TBC1D22A: variants seen among roughly 807,000 people sequenced by gnomAD.
TBC1D22A encodes the protein TBC1 domain family member 22A.
TBC1D22A carries 38 observed loss-of-function variants against 60.2 expected under a neutral mutation model. The ratio of observed to expected loss-of-function variants is 0.63; its 90% CI spans 0.49 to 0.83. The LOEUF (loss-of-function observed/expected upper bound fraction) is 0.83. TBC1D22A is among the 40% of genes least tolerant of loss of function. The pLI is 0.00. For missense variants in TBC1D22A, 628 were observed against 701.0 expected, an observed-to-expected ratio of 0.90 and a Z score of 1.18; for synonymous variants, 302 against 281.7, an observed-to-expected ratio of 1.07 and a Z score of -0.72.
chr22:47,125,935 T>C (rs2147101457), intron 12 of TBC1D22A, among the ~76,000 whole-genome samples: 1 of 152,328 alleles, frequency 6.6e-6, no homozygotes, highest in East Asian at 1.9e-4. Flanking sequence ...CAGTGCCCAC[T>C]CAGAGCACGT....
intron 1 of TBC1D22A, among the ~76,000 whole-genome samples, chr22:46,764,852 C>T (rs887526057): frequency 6.6e-6 from 1 of 152,172 alleles, no homozygotes; most frequent in South Asian, 2.1e-4. Flanking sequence ...CACCTAGAGA[C>T]TTGACAGAGA....
At chr22:47,122,480 GCCCCT>G (rs2066304158) in intron 12 of TBC1D22A, among the ~76,000 whole-genome samples, 1 of 152,124 alleles carries the variant, frequency 6.6e-6, no homozygotes, top group East Asian at 1.9e-4. Flanking sequence ...TGACCTTTGA[GCCCCT>G]CCAAGCTGGC....
At chr22:47,062,836 G>A (rs1240279405) in intron 11 of TBC1D22A, among the ~76,000 whole-genome samples, 1 of 152,120 alleles carries the variant, frequency 6.6e-6, no homozygotes, top group African/African-American at 2.4e-5. Context: ...TGAGTGGTGG[G>A]TGGTGGCAAA....
intron 4 of TBC1D22A, among the ~76,000 whole-genome samples, chr22:46,866,270 A>G (rs2067049469): frequency 6.6e-6 from 1 of 152,086 alleles, no homozygotes; most frequent in South Asian, 2.1e-4. Flanking sequence ...ATGCTCAGCT[A>G]ATTTTTGTAT....
intron 5 of TBC1D22A, among the ~76,000 whole-genome samples, chr22:46,887,732 A>T (rs987373015): frequency 2.6e-5 from 4 of 152,152 alleles, no homozygotes; most frequent in African/African-American, 7.2e-5. Flanking sequence ...TCTGGCTTTG[A>T]CCTGGGTGGT....
In TBC1D22A at chr22:47,052,482, CT is replaced by C. The variant is rs371142527; in HGVS notation, c.1329+15285del. 3.2e-3 allele frequency among the ~76,000 whole-genome samples: 487 copies of C among 152,274 alleles called. 2 individuals carry two copies. The highest frequency in any genetic ancestry group is 0.01 in the Middle Eastern group (3 of 294). On this transcript the variant is annotated intron_variant, in intron 11 of 12. Coordinates refer to ENST00000337137, the MANE Select transcript of TBC1D22A (RefSeq NM_014346.5). The stretch of plus-strand genomic sequence containing the variant: ...GGAGACAGCCTGATGGATGGGCCCC[CT>C]GGGGAGCATTGTGTACAGAGAGAGG...
intron 10 of TBC1D22A, among the ~76,000 whole-genome samples, chr22:47,015,626 A>G (rs2148318534): frequency 1.3e-5 from 2 of 152,254 alleles, no homozygotes; most frequent in South Asian, 2.1e-4. Context: ...AACACGTTTT[A>G]CTGTGCGGTG....
At chr22:46,896,015 C>T (rs908301588) in intron 7 of TBC1D22A, among the ~76,000 whole-genome samples, 2 of 152,176 alleles carry the variant, frequency 1.3e-5, no homozygotes, top group Non-Finnish European at 2.9e-5. Flanking sequence ...CCGCACGCCG[C>T]ACATCCTTGC....
chr22:47,074,045 C>T (rs2147523286), intron 11 of TBC1D22A, among the ~76,000 whole-genome samples: 1 of 152,278 alleles, frequency 6.6e-6, no homozygotes, highest in South Asian at 2.1e-4. Flanking sequence ...GAGGTTGAGG[C>T]TGCAGTGAGC....
At chr22:47,006,817 T>C (rs990980580) in intron 10 of TBC1D22A, among the ~76,000 whole-genome samples, 2 of 152,214 alleles carry the variant, frequency 1.3e-5, no homozygotes, top group African/African-American at 4.8e-5. Flanking sequence ...CTTGCCCTTC[T>C]GCCGCCTTCC....
At chr22:47,037,290 G>T in intron 11 of TBC1D22A, 92 bp downstream of exon 11, 1 of 1,537,472 alleles carries the variant, frequency 6.5e-7, no homozygotes, top group Non-Finnish European at 8.8e-7. Context: ...TGCTGCATTC[G>T]ATTTTTTCTT....
chr22:46,879,104 A>G (rs1364743177), intron 5 of TBC1D22A, among the ~76,000 whole-genome samples: 2 of 144,406 alleles, frequency 1.4e-5, no homozygotes, highest in African/African-American at 2.5e-5. Context: ...ACAAGGACAT[A>G]TGTTTGACCA....
chr22:47,128,958 G>A (rs552465912), intron 12 of TBC1D22A, among the ~76,000 whole-genome samples: 63 of 152,348 alleles, frequency 4.1e-4, no homozygotes, highest in African/African-American at 1.4e-3. Context: ...CAGTGTGTGC[G>A]TGTGGGCCTT....
chr22:46,941,844 ATGTATAGAATATGTATAGAATATATG>A (rs2072169843), intron 8 of TBC1D22A, among the ~76,000 whole-genome samples: 1 of 147,220 alleles, frequency 6.8e-6, no homozygotes, highest in African/African-American at 2.5e-5. Flanking sequence ...AATAGAATAT[ATGTATAGAATATGTATAGAATATATG>A]TGTATAGAAT....
intron 10 of TBC1D22A, among the ~76,000 whole-genome samples, chr22:47,023,619 C>T (rs1455361218): frequency 1.3e-5 from 2 of 152,184 alleles, no homozygotes; most frequent in East Asian, 1.9e-4. Flanking sequence ...AGACACCCTG[C>T]ATTACAAAGG....
At position 47,174,119 on chromosome 22, in the gene TBC1D22A, G is replaced by A. The variant is rs1484544917; in HGVS notation, c.*493G>A. ...GACGTTGCGCTGACCCGGGGTCTCT[G>A]TGCCGCGAGGTCCCCTCACAGCTGT... On this transcript the variant is annotated 3_prime_UTR_variant, in exon 13 of 13. Coordinates refer to ENST00000337137, the MANE Select transcript of TBC1D22A (RefSeq NM_014346.5). The A allele has an allele frequency of 6.4e-6, 1 of 155,444 alleles. No individual in the cohort carries two copies. Among genetic ancestry groups the A allele is most frequent in the Non-Finnish European group, 1.4e-5 (1 of 69,894 alleles). The allele number at this position is 155,444 out of a possible 1,614,324, so 9.6% of individuals were successfully genotyped here.
intron 11 of TBC1D22A, among the ~76,000 whole-genome samples, chr22:47,066,369 G>A (rs937846065): frequency 5.9e-5 from 9 of 152,160 alleles, no homozygotes; most frequent in East Asian, 3.9e-4. Context: ...ACGTACGTGC[G>A]GGACTAGAGG....
chr22:46,772,122 CATAT>C (rs200965325), intron 1 of TBC1D22A, among the ~76,000 whole-genome samples: 9 of 82,292 alleles, frequency 1.1e-4, no homozygotes, highest in African/African-American at 4.5e-4. Context: ...TGTATACACA[CATAT>C]ACATATATAT....
chr22:46,821,052 G>A (rs965327381), intron 4 of TBC1D22A, among the ~76,000 whole-genome samples: 1 of 129,476 alleles, frequency 7.7e-6, no homozygotes, highest in African/African-American at 2.9e-5. Flanking sequence ...TGCAACCCCT[G>A]CTTTTTTTTT....
Sources: gnomAD v4.1 joint callset for allele counts (sites outside exome capture counted in the v4.1 genomes callset) on GRCh38, gnomAD v4.1.1 for gene constraint, MANE v1.5 for transcripts, NCBI Gene and HGNC (gene_info 2026-07-23, HGNC 2026-07-21) for gene names.